The following DSCAM variants were observed in gnomAD, a reference collection of about 807,000 sequenced individuals.
DSCAM encodes the protein DS cell adhesion molecule.
Under a neutral mutation model 217.7 loss-of-function variants are expected in DSCAM, and 47 were observed. The observed-to-expected ratio is 0.22, with a 90% CI of 0.17 to 0.28. The LOEUF is 0.28. Among genes scored for constraint, DSCAM ranks in the 10% least tolerant of loss-of-function variants. The probability of loss-of-function intolerance (pLI) is 1.00; values close to 1 mark genes in which losing one functional copy is unlikely to be tolerated. For missense variants in DSCAM, 2,080 were observed against 2,618.3 expected (o/e 0.79, Z 4.49); for synonymous variants, 1,056 against 1,015.3 (o/e 1.04, Z -0.76).
intron 3 of DSCAM, among the ~76,000 whole-genome samples, chr21:40,489,867 A>C (rs1201454198): frequency 6.6e-6 from 1 of 151,698 alleles, no homozygotes; most frequent in Non-Finnish European, 1.5e-5. Flanking sequence ...AATTTTGGAA[A>C]TGGAAATAAA....
Position 40,321,314 on chromosome 21 carries a change from A to T in DSCAM, c.1784-8955T>A, listed in dbSNP as rs147854442. On this transcript the variant is annotated intron_variant, in intron 8 of 32. Transcript: ENST00000400454. ...TGTTCAGTAGTATGTCAATATCTTC[A>T]TCTTGATGTCTCAGAAGTATCTCAA... 2.6e-5 allele frequency among the ~76,000 whole-genome samples: 4 copies of T among 152,332 alleles called. No homozygotes were observed. The East Asian group carries it at 7.7e-4, about 29-fold the overall frequency.
rs534811741 is a variant in DSCAM, at chr21:40,662,117, G to A, written c.508+30693C>T. Among the ~76,000 whole-genome samples the A allele has an allele frequency of 3.0e-3, 168 of 56,420 alleles. 1 individual carries two copies. The highest frequency in any genetic ancestry group is 2.7e-3 in the Non-Finnish European group (38 of 14,336). 37.0% of individuals were successfully genotyped at this position (56,420 alleles called of 152,430 possible). Reference sequence around the variant, plus strand: ...GAAGCCTGAGGAATAAGCACATTACGTTGTTAAAACAAACAAACAAACAAA... The same window carrying A: ...GAAGCCTGAGGAATAAGCACATTACATTGTTAAAACAAACAAACAAACAAA... On this transcript the variant is annotated intron_variant, in intron 3 of 32. Coordinates refer to ENST00000400454, the MANE Select transcript of DSCAM (RefSeq NM_001389.5).
intron 6 of DSCAM, among the ~76,000 whole-genome samples, chr21:40,345,898 G>A (rs58711878): frequency 2.0e-3 from 305 of 152,292 alleles, no homozygotes; most frequent in African/African-American, 6.8e-3. Context: ...GTGTGCTGGC[G>A]GTGCGCCTCG....
chr21:40,201,535 T>C (rs989193994), intron 11 of DSCAM, among the ~76,000 whole-genome samples: 6 of 152,062 alleles, frequency 3.9e-5, no homozygotes, highest in African/African-American at 1.4e-4. Flanking sequence ...TCTGCCTCCC[T>C]GGTTCAAGCA....
intron 3 of DSCAM, among the ~76,000 whole-genome samples, chr21:40,632,489 C>T (rs1200253172): frequency 1.3e-5 from 2 of 152,174 alleles, no homozygotes; most frequent in Non-Finnish European, 2.9e-5. Flanking sequence ...TTTACACACA[C>T]ACTCAGTAAC....
chr21:40,678,478 T>A (rs2090365120), intron 3 of DSCAM, among the ~76,000 whole-genome samples: 1 of 152,114 alleles, frequency 6.6e-6, no homozygotes, highest in African/African-American at 2.4e-5. Context: ...TCGGAGCCAG[T>A]GATAGAGATG....
intron 15 of DSCAM, among the ~76,000 whole-genome samples, chr21:40,170,094 C>T (rs189212675): frequency 5.6e-4 from 86 of 152,290 alleles, no homozygotes; most frequent in Middle Eastern, 3.4e-3. Flanking sequence ...TTTCGTTCCG[C>T]GCACTCCCTA....
chr21:40,581,269 A>G (rs1018041689), intron 3 of DSCAM, among the ~76,000 whole-genome samples: 1 of 152,166 alleles, frequency 6.6e-6, no homozygotes, highest in Non-Finnish European at 1.5e-5. Flanking sequence ...CAGGACTGAG[A>G]CCACCTTTTG....
At chr21:40,764,710 T>C (rs992870177) in intron 1 of DSCAM, among the ~76,000 whole-genome samples, 1 of 152,092 alleles carries the variant, frequency 6.6e-6, no homozygotes, top group Admixed American at 6.5e-5. Flanking sequence ...CAAATACCCA[T>C]CAATGATAGA....
intron 3 of DSCAM, among the ~76,000 whole-genome samples, chr21:40,594,899 T>C (rs902197074): frequency 6.6e-6 from 1 of 152,172 alleles, no homozygotes; most frequent in African/African-American, 2.4e-5. Context: ...GAATGTTTCA[T>C]GCTCTTGAGC....
chr21:40,532,037 T>C (rs1026352698), intron 3 of DSCAM, among the ~76,000 whole-genome samples: 7 of 152,192 alleles, frequency 4.6e-5, no homozygotes, highest in Admixed American at 2.6e-4. Context: ...CTGTTCAAAG[T>C]AAATATTTTC....
intron 12 of DSCAM, 117 bp from the exon 13 acceptor site, chr21:40,188,104 A>G: frequency 1.5e-6 from 1 of 648,652 alleles, no homozygotes; most frequent in Non-Finnish European, 2.6e-6. Flanking sequence ...ACACATAGGT[A>G]CACTCACACA....
Position 40,835,984 on chromosome 21 carries a change from C to T in DSCAM, c.43+10635G>A, listed in dbSNP as rs147052280. Among the ~76,000 whole-genome samples, 853 of 152,300 alleles carry T rather than the reference C, an allele frequency of 5.6e-3. 12 individuals carry two copies. The highest frequency in any genetic ancestry group is 0.02 in the African/African-American group (817 of 41,558). On this transcript the variant is annotated intron_variant, in intron 1 of 32. Coordinates refer to ENST00000400454, the MANE Select transcript of DSCAM (RefSeq NM_001389.5). ...CTAAAAGAAAGCCAAGAACATCCAACAGAGCAAATGACCCAAAGCCCTTCA... is the reference window on the plus strand; with the variant it reads ...CTAAAAGAAAGCCAAGAACATCCAATAGAGCAAATGACCCAAAGCCCTTCA...
chr21:40,729,086 G>A (rs1375846871), intron 1 of DSCAM, among the ~76,000 whole-genome samples: 1 of 152,176 alleles, frequency 6.6e-6, no homozygotes, highest in East Asian at 1.9e-4. Flanking sequence ...TTCTTGGCAT[G>A]ATTAAATAAT....
intron 1 of DSCAM, among the ~76,000 whole-genome samples, chr21:40,788,691 T>C (rs1482432729): frequency 6.6e-6 from 1 of 152,228 alleles, no homozygotes; most frequent in African/African-American, 2.4e-5. Context: ...ACAATATGTC[T>C]ACCTCCCTAG....
At chr21:40,120,486 G>A (rs912166975) in intron 20 of DSCAM, among the ~76,000 whole-genome samples, 3 of 152,144 alleles carry the variant, frequency 2.0e-5, no homozygotes, top group African/African-American at 7.2e-5. Flanking sequence ...ATGAAGCTTG[G>A]CTGTTTTCTT....
chr21:40,562,715 G>C (rs747215985), intron 3 of DSCAM, among the ~76,000 whole-genome samples: 1 of 152,158 alleles, frequency 6.6e-6, no homozygotes, highest in Non-Finnish European at 1.5e-5. Context: ...TCTGCTATGT[G>C]TATGAGCCTG....
At chr21:40,447,009 C>T (rs141957311) in intron 3 of DSCAM, among the ~76,000 whole-genome samples, 26 of 152,264 alleles carry the variant, frequency 1.7e-4, no homozygotes, top group African/African-American at 4.8e-4. Context: ...GGTGCCCTCC[C>T]GCTTGGTCAC....
intron 20 of DSCAM, among the ~76,000 whole-genome samples, chr21:40,115,540 T>C (rs1233760985): frequency 6.6e-6 from 1 of 152,080 alleles, no homozygotes; most frequent in Non-Finnish European, 1.5e-5. Flanking sequence ...GTTGTGCACA[T>C]GTACCCTAAA....
Sources: allele counts gnomAD v4.1 joint callset (sites outside exome capture counted in the v4.1 genomes callset), GRCh38; gene constraint gnomAD v4.1.1; transcripts MANE v1.5; gene names NCBI Gene and HGNC (gene_info 2026-07-23, HGNC 2026-07-21).